The following PTPRB variants were observed in gnomAD, a reference collection of about 807,000 sequenced individuals.
PTPRB encodes receptor-type tyrosine-protein phosphatase beta.
A neutral mutation model predicts 238.1 loss-of-function variants in PTPRB; 97 were observed. The ratio of observed to expected loss-of-function variants is 0.41; its 90% CI spans 0.35 to 0.48. The LOEUF is 0.48. Ranked by LOEUF, PTPRB falls within the 20% of genes least tolerant of loss-of-function variation. The pLI, the probability that PTPRB is intolerant of heterozygous loss-of-function variation, is 0.30. For synonymous variants in PTPRB, 970 were observed against 995.4 expected, an observed-to-expected ratio of 0.97 and a Z score of 0.48; for missense variants, 2,292 against 2,681.9, an observed-to-expected ratio of 0.85 and a Z score of 3.21.
chr12:70,573,025 C>T (rs1486382210), intron 11 of PTPRB, among the ~76,000 whole-genome samples: 6 of 151,940 alleles, frequency 3.9e-5, no homozygotes, highest in African/African-American at 1.5e-4. Context: ...CACATACACA[C>T]ACACAGTGAA....
intron 2 of PTPRB, among the ~76,000 whole-genome samples, chr12:70,625,592 T>C (rs1180131146): frequency 1.3e-5 from 2 of 151,814 alleles, no homozygotes; most frequent in African/African-American, 4.8e-5. Flanking sequence ...TTGAAACAGG[T>C]GCTGTGAAAT....
At chr12:70,538,686 A>G (rs1420607283) in intron 27 of PTPRB, 1 of 548,748 alleles carries the variant, frequency 1.8e-6, no homozygotes, top group Non-Finnish European at 3.2e-6. Flanking sequence ...AAGCAATAGC[A>G]TCACATGGGG....
chr12:70,533,189 A>G (rs1873558258), intron 31 of PTPRB, among the ~76,000 whole-genome samples: 1 of 152,140 alleles, frequency 6.6e-6, no homozygotes, highest in African/African-American at 2.4e-5. Flanking sequence ...GATTTTTGAT[A>G]CACACATTTA....
In PTPRB at chr12:70,516,710, T is replaced by C. The variant is rs547569350; in HGVS notation, c.*4779A>G. 5 of 152,344 alleles carry C rather than the reference T, an allele frequency of 3.3e-5. No homozygotes were observed. The highest frequency in any genetic ancestry group is 9.6e-5 in the African/African-American group (4 of 41,584). 9.4% of individuals were successfully genotyped at this position (152,344 alleles called of 1,614,324 possible). A position where few individuals can be genotyped will look rare whatever the true frequency, so the allele number is the denominator to read the frequency against. On this transcript the variant is annotated 3_prime_UTR_variant, in exon 34 of 34. Coordinates refer to ENST00000334414, the MANE Select transcript of PTPRB (RefSeq NM_001109754.4). ...TTGTGACTGTTCTAGAAGGGACACA[T>C]TGCATTTGTCTGACATTATTCACAG...
At chr12:70,575,744 T>G (rs1237669977) in intron 11 of PTPRB, among the ~76,000 whole-genome samples, 1 of 152,218 alleles carries the variant, frequency 6.6e-6, no homozygotes, top group Non-Finnish European at 1.5e-5. Context: ...ATAAATATAT[T>G]GGGAAAATGG....
Position 70,527,980 on chromosome 12 carries a change from C to T in PTPRB, c.6505-3389G>A, listed in dbSNP as rs138934821. Reference sequence around the variant, plus strand: ...TACTAGGTTGATGCAAAAGTAATCACGGTTTTTGCCATTAAAAGTAATGCA... The same window carrying T: ...TACTAGGTTGATGCAAAAGTAATCATGGTTTTTGCCATTAAAAGTAATGCA... On this transcript the variant is annotated intron_variant, in intron 32 of 33. Coordinates refer to ENST00000334414, the MANE Select transcript of PTPRB (RefSeq NM_001109754.4). Among the ~76,000 whole-genome samples the T allele has an allele frequency of 2.7e-3, 418 of 152,224 alleles. 1 individual carries two copies. Among genetic ancestry groups the T allele is most frequent in the African/African-American group, 9.2e-3 (383 of 41,536 alleles).
chr12:70,537,283 T>C (rs1874290683), intron 28 of PTPRB, among the ~76,000 whole-genome samples: 1 of 18,570 alleles, frequency 5.4e-5, no homozygotes, highest in African/African-American at 2.8e-4. Flanking sequence ...CAAGACCATC[T>C]CAAAAAAAAA....
In PTPRB at chr12:70,562,280, T is replaced by TC. The variant is rs570819752; in HGVS notation, c.4168+563dup. On this transcript the variant is annotated intron_variant, in intron 16 of 33. Coordinates refer to ENST00000334414, the MANE Select transcript of PTPRB (RefSeq NM_001109754.4). Reference sequence around the variant, plus strand: ...GCCTGGGCAACAGAGTGAGAACTCGTCCCCCCCCAAAACATTTTTTTTTGA... The same window carrying TC: ...GCCTGGGCAACAGAGTGAGAACTCGTCCCCCCCCCAAAACATTTTTTTTTGA... 1.9e-4 allele frequency among the ~76,000 whole-genome samples: 28 copies of TC among 150,932 alleles called. No homozygotes were observed. The South Asian group carries it at 4.6e-3, about 25-fold the overall frequency.
Position 70,622,387 on chromosome 12 carries a change from T to C in PTPRB, c.708+3A>G. On this transcript the variant is annotated splice_donor_region_variant and intron_variant, in intron 3 of 33. Transcript: ENST00000334414. ...CCACACTCCACACACCCCCTCCTTT[T>C]ACCTCTTCAGTGGTGCTGGAGAAGG... 1 of 1,611,422 alleles carries C rather than the reference T, an allele frequency of 6.2e-7. No homozygotes were observed. The highest frequency in any genetic ancestry group is 8.5e-7 in the Non-Finnish European group (1 of 1,179,322).
At chr12:70,536,287 C>T (rs1874113624) in intron 28 of PTPRB, 128 bp from the exon 29 acceptor site, 1 of 1,056,312 alleles carries the variant, frequency 9.5e-7, no homozygotes, top group South Asian at 1.7e-5. Context: ...AAGATACTAA[C>T]ACAAGTGTCA....
At chr12:70,634,162 G>T (rs1300771727) in intron 2 of PTPRB, among the ~76,000 whole-genome samples, 1 of 152,122 alleles carries the variant, frequency 6.6e-6, no homozygotes, top group Non-Finnish European at 1.5e-5. Flanking sequence ...CATTCAAATG[G>T]CATCTAGTTA....
intron 5 of PTPRB, among the ~76,000 whole-genome samples, chr12:70,595,485 AAG>A (rs770057946): frequency 1.1e-4 from 16 of 152,256 alleles, no homozygotes; most frequent in Non-Finnish European, 1.3e-4. Flanking sequence ...AAAATTTAAG[AAG>A]AGAGAAAATG....
rs561465245 is a variant in PTPRB at position 70,615,484 on chromosome 12, T to C, written c.709-6145A>G. Among the ~76,000 whole-genome samples, 5 of 152,296 alleles carry C rather than the reference T, an allele frequency of 3.3e-5. No homozygotes were observed. The South Asian group carries it at 1.0e-3, about 32-fold the overall frequency. ...TTCCCACACCCATTTATCAGCCTCT[T>C]CCCCTCCCCTACTTTTTATTTTGTT... On this transcript the variant is annotated intron_variant, in intron 3 of 33. Transcript: ENST00000334414.
rs199511682 is a variant in PTPRB, at chr12:70,618,528, T to TCTTA, written c.708+3861_708+3862insTAAG. 9.3e-3 allele frequency among the ~76,000 whole-genome samples: 1,420 copies of TCTTA among 152,330 alleles called. 19 individuals carry two copies. The highest frequency in any genetic ancestry group is 0.031 in the African/African-American group (1,292 of 41,574). On this transcript the variant is annotated intron_variant, in intron 3 of 33. Coordinates refer to ENST00000334414, the MANE Select transcript of PTPRB (RefSeq NM_001109754.4). ...AAATGAGTGGGACTTGAGTAACTAG[T>TCTTA]AGATATCACCACTGGGATTTAAGCC...
At chr12:70,555,830 A>G (rs774632910) in intron 19 of PTPRB, 40 bp downstream of exon 19, 6 of 1,602,078 alleles carry the variant, frequency 3.7e-6, no homozygotes, top group South Asian at 1.1e-5. Flanking sequence ...CCTTCACTCC[A>G]GTGACAGGAG....
At chr12:70,618,840 G>A (rs1884791370) in intron 3 of PTPRB, among the ~76,000 whole-genome samples, 1 of 152,186 alleles carries the variant, frequency 6.6e-6, no homozygotes, top group African/African-American at 2.4e-5. Flanking sequence ...CTAGGCCTAT[G>A]ATATGTGTTA....
At chr12:70,537,924 A>G (rs1323398064) in intron 28 of PTPRB, 2 of 448,164 alleles carry the variant, frequency 4.5e-6, no homozygotes, top group African/African-American at 3.9e-5. Context: ...ATGATCTATG[A>G]AAATGCATCT....
intron 11 of PTPRB, among the ~76,000 whole-genome samples, chr12:70,573,213 C>T (rs535301906): frequency 3.3e-4 from 50 of 152,052 alleles, no homozygotes; most frequent in Admixed American, 1.4e-3. Flanking sequence ...ATGTTAAAAA[C>T]AACAAAAAAT....
At chr12:70,597,789 A>C (rs1016514358) in intron 4 of PTPRB, among the ~76,000 whole-genome samples, 1 of 152,182 alleles carries the variant, frequency 6.6e-6, no homozygotes, top group Non-Finnish European at 1.5e-5. Context: ...TTTACATATA[A>C]AAGAAATAAG....
Sources: gnomAD v4.1 joint callset for allele counts (sites outside exome capture counted in the v4.1 genomes callset) on GRCh38, gnomAD v4.1.1 for gene constraint, MANE v1.5 for transcripts, NCBI Gene and HGNC (gene_info 2026-07-23, HGNC 2026-07-21) for gene names.